The following CEP89 variants were observed in gnomAD, a reference collection of about 807,000 sequenced individuals.
The protein encoded by CEP89 is centrosomal protein 89, also known as centrosomal protein of 89 kDa.
Under a neutral mutation model 97.6 loss-of-function variants are expected in CEP89, and 95 were observed. That is an observed-to-expected ratio of 0.97 (90% CI 0.82 to 1.15). The LOEUF (loss-of-function observed/expected upper bound fraction) is 1.15. Among genes scored for constraint, CEP89 ranks in the 50% most tolerant of loss-of-function variants. The probability of loss-of-function intolerance (pLI) is 0.00; values close to 1 mark genes in which losing one functional copy is unlikely to be tolerated. For synonymous variants in CEP89, 354 were observed against 349.1 expected (o/e 1.01, Z -0.16); for missense variants, 869 against 947.7 (o/e 0.92, Z 1.09).
In CEP89 at chr19:32,939,871, C is replaced by G; in HGVS notation, c.610G>C (p.Val204Leu). The part of the protein sequence containing the change: ...RTQQKDGKHP[V>L]LNLKDEKPPL... The stretch of plus-strand genomic sequence containing the variant: ...AATGATCTTACCTTTAAATTCAGAA[C>G]AGGGTGTTTACCATCTGATGAAGAA... Residue 204 changes from valine to leucine, a missense_variant, in exon 6 of 19, where the codon GTT becomes CTT. Physicochemically the swap from Val to Leu is conservative, Grantham distance 32. Transcript: ENST00000305768. The G allele has an allele frequency of 7.9e-7, 1 of 1,269,414 alleles. No individual in the cohort carries two copies. The highest frequency in any genetic ancestry group is 1.3e-5 in the South Asian group (1 of 78,454). The allele number at this position is 1,269,414 out of a possible 1,614,324, so 78.6% of individuals were successfully genotyped here. A position where few individuals can be genotyped will look rare whatever the true frequency, so the allele number is the denominator to read the frequency against.
chr19:32,888,772 A>G (rs1272159612), intron 16 of CEP89, among the ~76,000 whole-genome samples: 4 of 151,724 alleles, frequency 2.6e-5, no homozygotes, highest in Non-Finnish European at 5.9e-5. Flanking sequence ...ACTTGGGGAA[A>G]CTGAAAGTGA....
At chr19:32,917,792 C>CGCCTCCCAG (rs1970158827) in intron 13 of CEP89, 1 of 984,882 alleles carries the variant, frequency 1.0e-6, no homozygotes, top group African/African-American at 1.7e-5. Flanking sequence ...GCAGTGATGT[C>CGCCTCCCAG]GCCTCCCAGG....
chr19:32,949,446 C>T (rs4805828), intron 4 of CEP89, among the ~76,000 whole-genome samples: 15,917 of 151,776 alleles, frequency 0.1, 1,081 homozygotes, highest in East Asian at 0.29. Context: ...AGTGCAGTGG[C>T]GCAATCATGG....
chr19:32,932,122 A>G (rs1328727500), intron 8 of CEP89, among the ~76,000 whole-genome samples: 1 of 151,784 alleles, frequency 6.6e-6, no homozygotes, highest in African/African-American at 2.4e-5. Flanking sequence ...TGGAGCTCGC[A>G]GTGAGCCGAA....
intron 16 of CEP89, among the ~76,000 whole-genome samples, chr19:32,898,405 G>A (rs1033796481): frequency 2.6e-5 from 4 of 152,174 alleles, no homozygotes; most frequent in East Asian, 1.9e-4. Flanking sequence ...GTGTTTGTGG[G>A]GGGCTGGGGG....
chr19:32,943,557 A>G (rs373892858), intron 5 of CEP89, among the ~76,000 whole-genome samples: 2 of 151,602 alleles, frequency 1.3e-5, no homozygotes, highest in African/African-American at 4.8e-5. Context: ...CCCAGGAGGT[A>G]GAGGCTGCAG....
chr19:32,967,269 A>C (rs186754143), intron 1 of CEP89, among the ~76,000 whole-genome samples: 2 of 152,308 alleles, frequency 1.3e-5, no homozygotes, highest in East Asian at 3.9e-4. Context: ...TGAAAGTCAG[A>C]GAGCTCCGCT....
At chr19:32,919,615 T>G (rs1051676047) in intron 12 of CEP89, among the ~76,000 whole-genome samples, 1 of 152,148 alleles carries the variant, frequency 6.6e-6, no homozygotes, top group African/African-American at 2.4e-5. Flanking sequence ...TGTGCTAGCC[T>G]CCTCATTCCC....
chr19:32,926,394 G>GT (rs1970358439), intron 10 of CEP89, 121 bp from the exon 11 acceptor site: 2 of 724,916 alleles, frequency 2.8e-6, no homozygotes. Flanking sequence ...AGTTGTTATT[G>GT]TTTTTTAACG....
intron 14 of CEP89, among the ~76,000 whole-genome samples, chr19:32,905,491 A>ATTT (rs71176166): frequency 0.14 from 21,360 of 150,376 alleles, 1,866 homozygotes; most frequent in Non-Finnish European, 0.21. Context: ...TCAAAGGAAG[A>ATTT]TTTTTTTTTT....
At chr19:32,944,577 A>G (rs1970756843) in intron 5 of CEP89, among the ~76,000 whole-genome samples, 1 of 152,124 alleles carries the variant, frequency 6.6e-6, no homozygotes, top group Non-Finnish European at 1.5e-5. Flanking sequence ...GCCAAGCTGG[A>G]GAGGTATGAG....
At chr19:32,917,655 C>G (rs1156307864) in intron 13 of CEP89, 3 of 233,168 alleles carry the variant, frequency 1.3e-5, no homozygotes, top group African/African-American at 7.0e-5. Context: ...GAAGCGATGA[C>G]TCTTAACCTG....
At chr19:32,908,866 T>G (rs1337892459) in intron 14 of CEP89, among the ~76,000 whole-genome samples, 1 of 152,196 alleles carries the variant, frequency 6.6e-6, no homozygotes, top group Admixed American at 6.5e-5. Context: ...ACAAGATTTT[T>G]GTGTAGGGAT....
intron 2 of CEP89, among the ~76,000 whole-genome samples, chr19:32,964,657 G>C (rs1971243026): frequency 6.6e-6 from 1 of 152,236 alleles, no homozygotes. Flanking sequence ...CATGCTGAGT[G>C]AAGGAAGGCA....
intron 15 of CEP89, 93 bp from the exon 16 acceptor site, chr19:32,900,091 G>T: frequency 8.4e-7 from 1 of 1,189,614 alleles, no homozygotes; most frequent in Non-Finnish European, 1.2e-6. Flanking sequence ...CAGCAAGTAT[G>T]TTAGCATTTA....
At chr19:32,913,299 ATATATAT>A (rs1187977847) in intron 14 of CEP89, among the ~76,000 whole-genome samples, 35 of 31,108 alleles carry the variant, frequency 1.1e-3, no homozygotes, top group African/African-American at 6.0e-3. Flanking sequence ...ATATATATAT[ATATATAT>A]TTTTTTGTTG....
chr19:32,907,643 C>T (rs1038218746), intron 14 of CEP89, among the ~76,000 whole-genome samples: 5 of 151,970 alleles, frequency 3.3e-5, no homozygotes, highest in African/African-American at 1.2e-4. Context: ...GTAGAGATGG[C>T]GTTTCACCAT....
chr19:32,905,392 G>T (rs548247620), intron 14 of CEP89, among the ~76,000 whole-genome samples: 10 of 152,072 alleles, frequency 6.6e-5, no homozygotes, highest in African/African-American at 2.2e-4. Flanking sequence ...TTCTTTTTCT[G>T]TTTCTAGAAA....
intron 9 of CEP89, among the ~76,000 whole-genome samples, chr19:32,930,034 T>A (rs73051171): frequency 0.12 from 18,109 of 149,200 alleles, 1,235 homozygotes; most frequent in South Asian, 0.28. Context: ...TTTTTTTTTT[T>A]TTTTTGAGAC....
Sources: allele counts gnomAD v4.1 joint callset (sites outside exome capture counted in the v4.1 genomes callset), GRCh38; gene constraint gnomAD v4.1.1; transcripts MANE v1.5; gene names NCBI Gene and HGNC (gene_info 2026-07-23, HGNC 2026-07-21).